SPAST: variants seen among roughly 807,000 people sequenced by gnomAD.
SPAST encodes the protein spastin.
A neutral mutation model predicts 76.6 loss-of-function variants in SPAST; 30 were observed. The ratio of observed to expected loss-of-function variants is 0.39; its 90% CI spans 0.29 to 0.53. SPAST has a LOEUF of 0.53. Ranked by LOEUF, SPAST falls within the 20% of genes least tolerant of loss-of-function variation. SPAST has a pLI of 0.68. For missense variants in SPAST, 717 were observed against 770.5 expected (o/e 0.93, Z 0.82); for synonymous variants, 305 against 281.0 (o/e 1.09, Z -0.86).
chr2:32,090,912 G>T (rs1677688017), intron 3 of SPAST, among the ~76,000 whole-genome samples: 1 of 152,112 alleles, frequency 6.6e-6, no homozygotes, highest in African/African-American at 2.4e-5. Flanking sequence ...ATCATTAGTT[G>T]TTCCATCTTG....
In SPAST at chr2:32,126,864, G is replaced by GA. The variant is rs1679209902; in HGVS notation, c.1099-78dup. On this transcript the variant is annotated intron_variant, in intron 7 of 16. Transcript: ENST00000315285. ...CAGCTCTGTTTGGGAAGATGCTACT[G>GA]AAAAAAGGATGCTTTTTAGATGGCA... 3.3e-5 allele frequency: 29 copies of GA among 880,896 alleles called. No homozygotes were observed. In the South Asian group the frequency reaches 4.0e-4, roughly 12 times the overall value. The allele number at this position is 880,896 out of a possible 1,614,324, so 54.6% of individuals were successfully genotyped here.
intron 16 of SPAST, among the ~76,000 whole-genome samples, chr2:32,150,058 G>T: frequency 6.8e-6 from 1 of 147,350 alleles, no homozygotes; most frequent in South Asian, 2.2e-4. Flanking sequence ...AAAGCTTTTA[G>T]TTTTCTTTCT....
rs1237236164 is a variant in SPAST, at chr2:32,083,926, A to C, written c.416-3566A>C. On this transcript the variant is annotated intron_variant, in intron 1 of 16. Transcript: ENST00000315285. ...CCTGAGTAGCTGGGACTACAGACACATGCCACCATGCCCGGCTAATTTTTG... is the reference window on the plus strand; with the variant it reads ...CCTGAGTAGCTGGGACTACAGACACCTGCCACCATGCCCGGCTAATTTTTG... Among the ~76,000 whole-genome samples, 3 of 148,988 alleles carry C rather than the reference A, an allele frequency of 2.0e-5. No homozygotes were observed. In the East Asian group the frequency reaches 6.0e-4, roughly 30 times the overall value.
chr2:32,148,533 G>C (rs1305911629), intron 16 of SPAST, among the ~76,000 whole-genome samples: 1 of 151,976 alleles, frequency 6.6e-6, no homozygotes, highest in Non-Finnish European at 1.5e-5. Flanking sequence ...AATTAGGCCG[G>C]GGGCGGTGGC....
intron 16 of SPAST, among the ~76,000 whole-genome samples, chr2:32,147,977 G>A (rs1356762610): frequency 7.0e-6 from 1 of 142,130 alleles, no homozygotes; most frequent in East Asian, 2.1e-4. Context: ...TCTGTTCTCA[G>A]GCTGGAGTGC....
At position 32,064,158 on chromosome 2, in the gene SPAST, G is replaced by A. The variant is rs1033468634; in HGVS notation, c.327G>A (p.Pro109=). The change falls in exon 1 of 17, where the codon CCG becomes CCA. Residue 109 remains proline (P), a synonymous_variant. Coordinates refer to ENST00000315285, the MANE Select transcript of SPAST (RefSeq NM_014946.4). ...CGGCCTCGGCCCCGGCGCCGGTGCC[G>A]GGCGGCGAGGCCGAGCGCGTCCGAG... is the stretch of plus-strand genomic sequence containing the variant. ...PASASAPAPV[P]GGEAERVRVF... 1.9e-6 allele frequency: 3 copies of A among 1,554,744 alleles called. No homozygotes were observed. Among genetic ancestry groups the A allele is most frequent in the Non-Finnish European group, 2.6e-6 (3 of 1,149,890 alleles).
At chr2:32,089,403 TA>T (rs1343537526) in intron 2 of SPAST, 118 bp from the exon 3 acceptor site, 203 of 597,266 alleles carry the variant, frequency 3.4e-4, no homozygotes, top group East Asian at 6.6e-4. Context: ...TTCTTTTTTT[TA>T]AAAAAAAATT....
chr2:32,090,882 G>C (rs777444601), intron 3 of SPAST, among the ~76,000 whole-genome samples: 1 of 152,064 alleles, frequency 6.6e-6, no homozygotes, highest in Non-Finnish European at 1.5e-5. Context: ...TACTTCCTAG[G>C]TGGTTGTGTT....
At position 32,142,212 on chromosome 2, in the gene SPAST, A is replaced by G. The variant is rs190377752; in HGVS notation, c.1536+266A>G. Among the ~76,000 whole-genome samples the G allele has an allele frequency of 6.5e-3, 984 of 152,278 alleles. 14 individuals are homozygous for G. The highest frequency in any genetic ancestry group is 0.023 in the African/African-American group (951 of 41,548). ...TTAATAATAGCCAGAACTACAAATG[A>G]TCTAAAATGTTTATTTTGGTGAATA... On this transcript the variant is annotated intron_variant, in intron 13 of 16. Coordinates refer to ENST00000315285, the MANE Select transcript of SPAST (RefSeq NM_014946.4).
intron 1 of SPAST, among the ~76,000 whole-genome samples, chr2:32,075,519 ACTC>A (rs1241435519): frequency 8.4e-6 from 1 of 119,034 alleles, no homozygotes; most frequent in Non-Finnish European, 1.7e-5. Flanking sequence ...CCCTAACCTC[ACTC>A]CTCATTTAGT....
At chr2:32,098,752 C>G in intron 3 of SPAST, 44 bp from the exon 4 acceptor site, 2 of 1,264,892 alleles carry the variant, frequency 1.6e-6, no homozygotes, top group East Asian at 2.3e-5. Flanking sequence ...TATCTTTTTT[C>G]TTTTTGTTTA....
intron 1 of SPAST, among the ~76,000 whole-genome samples, chr2:32,085,853 A>ACAACATGGTGAAACCCCGTCT (rs1211114630): frequency 6.6e-6 from 1 of 151,702 alleles, no homozygotes; most frequent in Non-Finnish European, 1.5e-5. Flanking sequence ...ACTATCCTGA[A>ACAACATGGTGAAACCCCGTCT]CAACATGGTG....
chr2:32,071,747 C>G (rs1338248938), intron 1 of SPAST, among the ~76,000 whole-genome samples: 1 of 152,138 alleles, frequency 6.6e-6, no homozygotes, highest in African/African-American at 2.4e-5. Flanking sequence ...GTCCTGGAAT[C>G]CATAGAAGGG....
Position 32,141,890 on chromosome 2 carries a change from A to ATT in SPAST, c.1494-4_1494-3dup. On this transcript the variant is annotated splice_polypyrimidine_tract_variant and intron_variant, in intron 12 of 16. Coordinates refer to ENST00000315285, the MANE Select transcript of SPAST (RefSeq NM_014946.4). ...AAAATTATATTTCTAAAAGTGCTGGATTTTTTTTTTTAGGCGTTTCATCAA... is the reference window on the plus strand; with the variant it reads ...AAAATTATATTTCTAAAAGTGCTGGATTTTTTTTTTTTTAGGCGTTTCATCAA... 20 of 1,251,858 alleles carry ATT rather than the reference A, an allele frequency of 1.6e-5. No homozygotes were observed. Among genetic ancestry groups the ATT allele is most frequent in the South Asian group, 2.9e-5 (2 of 68,552 alleles). The allele number at this position is 1,251,858 out of a possible 1,614,324, so 77.5% of individuals were successfully genotyped here. A position where few individuals can be genotyped will look rare whatever the true frequency, so the allele number is the denominator to read the frequency against.
intron 7 of SPAST, among the ~76,000 whole-genome samples, chr2:32,125,656 G>C (rs1463186859): frequency 6.6e-6 from 1 of 152,068 alleles, no homozygotes; most frequent in Non-Finnish European, 1.5e-5. Flanking sequence ...GCCATGCCTA[G>C]TGTCCCTGAA....
At chr2:32,070,685 A>G (rs923637598) in intron 1 of SPAST, among the ~76,000 whole-genome samples, 10 of 152,138 alleles carry the variant, frequency 6.6e-5, no homozygotes, top group Non-Finnish European at 1.5e-4. Flanking sequence ...GCTGGAGTGC[A>G]ATGACACCAT....
intron 16 of SPAST, among the ~76,000 whole-genome samples, chr2:32,153,318 A>ATTTT (rs148901250): frequency 2.5e-5 from 2 of 79,284 alleles, no homozygotes; most frequent in African/African-American, 9.9e-5. Context: ...TTTTGCCTTA[A>ATTTT]TTTTTTTTTT....
chr2:32,065,136 C>T (rs1676458806), intron 1 of SPAST, among the ~76,000 whole-genome samples: 1 of 151,996 alleles, frequency 6.6e-6, no homozygotes, highest in African/African-American at 2.4e-5. Context: ...TCTCCTGCCT[C>T]AGCCTCCCGA....
In SPAST at chr2:32,141,895, T is replaced by C. The variant is rs746663550; in HGVS notation, c.1494-9T>C. ...TATATTTCTAAAAGTGCTGGATTTT[T>C]TTTTTTAGGCGTTTCATCAAACGGG... On this transcript the variant is annotated splice_polypyrimidine_tract_variant and intron_variant, in intron 12 of 16. Transcript: ENST00000315285. 6 of 1,608,528 alleles carry C rather than the reference T, an allele frequency of 3.7e-6. No homozygotes were observed. The highest frequency in any genetic ancestry group is 3.4e-4 in the Middle Eastern group (2 of 5,828).
Sources: gnomAD v4.1 joint callset for allele counts (sites outside exome capture counted in the v4.1 genomes callset) on GRCh38, gnomAD v4.1.1 for gene constraint, MANE v1.5 for transcripts, NCBI Gene and HGNC (gene_info 2026-07-23, HGNC 2026-07-21) for gene names.